SBF2: variants seen among roughly 807,000 people sequenced by gnomAD.
SBF2 encodes the protein SET binding factor 2.
Under a neutral mutation model 225.2 loss-of-function variants are expected in SBF2, and 112 were observed. The ratio of observed to expected loss-of-function variants is 0.50; its 90% CI spans 0.43 to 0.58. The LOEUF (loss-of-function observed/expected upper bound fraction) is 0.58, where lower values mean the gene tolerates loss of function less well. Among genes scored for constraint, SBF2 ranks in the 20% least tolerant of loss-of-function variants. SBF2 has a pLI of 0.00. For missense variants in SBF2, 1,996 were observed against 2,206.2 expected, an observed-to-expected ratio of 0.90 and a Z score of 1.91; for synonymous variants, 763 against 773.3, an observed-to-expected ratio of 0.99 and a Z score of 0.22.
intron 2 of SBF2, among the ~76,000 whole-genome samples, chr11:10,088,519 C>T (rs1405915472): frequency 6.6e-6 from 1 of 152,156 alleles, no homozygotes; most frequent in Admixed American, 6.5e-5. Flanking sequence ...CAAGATTAGC[C>T]ATCTGGTGAG....
chr11:9,984,979 T>C (rs547730796), intron 13 of SBF2, among the ~76,000 whole-genome samples: 4 of 152,276 alleles, frequency 2.6e-5, no homozygotes, highest in African/African-American at 9.6e-5. Flanking sequence ...ACAGAACCTC[T>C]TTAAAGCATA....
chr11:9,971,813 G>A (rs1946471052), intron 13 of SBF2, among the ~76,000 whole-genome samples: 1 of 152,176 alleles, frequency 6.6e-6, no homozygotes, highest in South Asian at 2.1e-4. Context: ...AATAGTCAAG[G>A]AAATTCTGAA....
At chr11:10,084,062 C>G (rs112427845) in intron 2 of SBF2, among the ~76,000 whole-genome samples, 61 of 152,262 alleles carry the variant, frequency 4.0e-4, no homozygotes, top group African/African-American at 1.3e-3. Context: ...AGTGAACAAA[C>G]AGTCTGCAAA....
At chr11:10,043,348 A>G (rs192847605) in intron 2 of SBF2, among the ~76,000 whole-genome samples, 73 of 152,340 alleles carry the variant, frequency 4.8e-4, no homozygotes, top group African/African-American at 1.7e-3. Flanking sequence ...GAGGGAAAAT[A>G]GAATTATTTT....
chr11:10,033,798 C>CT (rs1311124986), intron 3 of SBF2, among the ~76,000 whole-genome samples: 3 of 151,940 alleles, frequency 2.0e-5, no homozygotes, highest in Non-Finnish European at 4.4e-5. Flanking sequence ...CAGAGGAATA[C>CT]TCCCTCTTCT....
chr11:10,016,308 T>C (rs1334106956), intron 6 of SBF2, among the ~76,000 whole-genome samples: 1 of 152,116 alleles, frequency 6.6e-6, no homozygotes, highest in Non-Finnish European at 1.5e-5. Context: ...TGAGAGGATA[T>C]ATGTCTCATA....
intron 28 of SBF2, among the ~76,000 whole-genome samples, chr11:9,829,065 A>G (rs1855225192): frequency 6.6e-6 from 1 of 152,184 alleles, no homozygotes; most frequent in Admixed American, 6.5e-5. Flanking sequence ...GCTTGAGCCC[A>G]GAAGTTCGAG....
intron 2 of SBF2, among the ~76,000 whole-genome samples, chr11:10,120,261 G>T (rs1292976897): frequency 6.6e-6 from 1 of 152,104 alleles, no homozygotes; most frequent in Non-Finnish European, 1.5e-5. Flanking sequence ...CATGTAATAG[G>T]ATTTTCTTCT....
In SBF2 at chr11:9,998,331, C is replaced by G. The variant is rs781039677; in HGVS notation, c.910G>C (p.Glu304Gln). ...GGGAGGGAAGAGAGGTGAATACATT[C>G]GGGAATTTTAATAGTGCCTCCATCC... ...DLDGGTIKIPECIHLSSLPEP... is the reference protein window; with the variant it reads ...DLDGGTIKIPQCIHLSSLPEP... The change falls in exon 9 of 40, where the codon GAA becomes CAA. Residue 304 changes from glutamate (E) to glutamine (Q), a missense_variant. Glu to Gln is a conservative substitution (Grantham distance 29). Coordinates refer to ENST00000256190, the MANE Select transcript of SBF2 (RefSeq NM_030962.4). The G allele has an allele frequency of 3.1e-6, 5 of 1,609,476 alleles. No individual in the cohort carries two copies. The highest frequency in any genetic ancestry group is 1.7e-5 in the Admixed American group (1 of 59,944).
At chr11:10,213,504 T>C (rs192460992) in intron 1 of SBF2, among the ~76,000 whole-genome samples, 23 of 152,354 alleles carry the variant, frequency 1.5e-4, no homozygotes, top group African/African-American at 4.8e-4. Context: ...AGCACCTCTC[T>C]GAATTTGATT....
chr11:10,235,695 G>A (rs1358539988), intron 1 of SBF2, among the ~76,000 whole-genome samples: 2 of 152,138 alleles, frequency 1.3e-5, no homozygotes, highest in Admixed American at 1.3e-4. Context: ...GACTATCACT[G>A]ACCAGATCCT....
intron 16 of SBF2, among the ~76,000 whole-genome samples, chr11:9,913,728 T>C (rs1862840390): frequency 6.6e-6 from 1 of 152,102 alleles, no homozygotes. Context: ...GAATAAAATG[T>C]AGGAGTGACA....
Position 9,842,621 on chromosome 11 carries a change from A to C in SBF2, c.3256+4T>G, listed in dbSNP as rs1261366943. 4 of 1,613,776 alleles carry C rather than the reference A, an allele frequency of 2.5e-6. No homozygotes were observed. Among genetic ancestry groups the C allele is most frequent in the Non-Finnish European group, 2.5e-6 (3 of 1,179,856 alleles). On this transcript the variant is annotated splice_donor_region_variant and intron_variant, in intron 25 of 39. Coordinates refer to ENST00000256190, the MANE Select transcript of SBF2 (RefSeq NM_030962.4). ...TAATGAAGGAAATTCAAGTTTTCAC[A>C]TACCAGATACATCATCATCTTCATT...
At chr11:9,862,656 C>T (rs1438504263) in intron 17 of SBF2, among the ~76,000 whole-genome samples, 1 of 151,506 alleles carries the variant, frequency 6.6e-6, no homozygotes, top group African/African-American at 2.4e-5. Flanking sequence ...TAACCTGGGA[C>T]AGTAGCAGTA....
At chr11:9,938,840 A>T (rs889762774) in intron 16 of SBF2, among the ~76,000 whole-genome samples, 1 of 151,782 alleles carries the variant, frequency 6.6e-6, no homozygotes. Flanking sequence ...AGAGGTTATT[A>T]AAAAAAAGGC....
intron 16 of SBF2, among the ~76,000 whole-genome samples, chr11:9,910,396 ATGAG>A (rs764514628): frequency 2.0e-5 from 3 of 152,236 alleles, no homozygotes; most frequent in African/African-American, 4.8e-5. Context: ...ATGATAATAA[ATGAG>A]TATGTTACTG....
At chr11:9,829,722 T>A in intron 27 of SBF2, 1 of 502,900 alleles carries the variant, frequency 2.0e-6, no homozygotes, top group Non-Finnish European at 3.6e-6. Context: ...CTTGATTGCC[T>A]CATTATGCTT....
At chr11:9,981,725 T>G (rs949186281) in intron 13 of SBF2, among the ~76,000 whole-genome samples, 5 of 152,244 alleles carry the variant, frequency 3.3e-5, no homozygotes, top group Non-Finnish European at 1.5e-5. Context: ...GCAGAAGTTA[T>G]TTGCTATACA....
intron 28 of SBF2, among the ~76,000 whole-genome samples, chr11:9,823,445 A>T (rs2133922065): frequency 6.6e-6 from 1 of 152,154 alleles, no homozygotes; most frequent in South Asian, 2.1e-4. Flanking sequence ...AATGAAAAAA[A>T]TTGTGAAAAT....
Sources: gnomAD v4.1 joint callset for allele counts (sites outside exome capture counted in the v4.1 genomes callset) on GRCh38, gnomAD v4.1.1 for gene constraint, MANE v1.5 for transcripts, NCBI Gene and HGNC (gene_info 2026-07-23, HGNC 2026-07-21) for gene names.